The following CMPK1 variants were observed in gnomAD, a reference collection of about 807,000 sequenced individuals.
CMPK1 encodes UMP-CMP kinase.
In CMPK1, 10 loss-of-function variants were observed where a neutral mutation model predicts 25.7. The observed-to-expected ratio is 0.39, with a 90% confidence interval of 0.24 to 0.66. The LOEUF (loss-of-function observed/expected upper bound fraction) is 0.66. CMPK1 is among the 30% of genes least tolerant of loss of function. The pLI is 0.48. For missense variants in CMPK1, 199 were observed against 280.5 expected (o/e 0.71, Z 2.08); for synonymous variants, 106 against 101.5 (o/e 1.04, Z -0.27).
chr1:47,360,804 C>G (rs1044884188), intron 1 of CMPK1, among the ~76,000 whole-genome samples: 2 of 152,100 alleles, frequency 1.3e-5, no homozygotes, highest in Non-Finnish European at 2.9e-5. Context: ...ATATTGTCAT[C>G]CAAAAGACCA....
chr1:47,345,890 G>C (rs1417456371), intron 1 of CMPK1, among the ~76,000 whole-genome samples: 2 of 151,778 alleles, frequency 1.3e-5, no homozygotes. Flanking sequence ...TAAGCAGTTG[G>C]GATTACAGGC....
chr1:47,347,121 T>C lies in CMPK1; in HGVS notation c.171+13005T>C, dbSNP rs892916530. Among the ~76,000 whole-genome samples, 8 of 152,088 alleles carry C rather than the reference T, an allele frequency of 5.3e-5. No homozygotes were observed. The East Asian group carries it at 1.2e-3, about 22-fold the overall frequency. ...TATTTTCTTTCTTTCCCTTCCTCCT[T>C]CTGTTCCTCCTTTCTTCCCTCCTTC... is the stretch of plus-strand genomic sequence containing the variant. On this transcript the variant is annotated intron_variant, in intron 1 of 5. Coordinates refer to ENST00000371873, the MANE Select transcript of CMPK1 (RefSeq NM_016308.3).
At chr1:47,338,005 ATAAAC>A (rs1484283201) in intron 1 of CMPK1, among the ~76,000 whole-genome samples, 1 of 152,166 alleles carries the variant, frequency 6.6e-6, no homozygotes, top group Non-Finnish European at 1.5e-5. Flanking sequence ...ACAGGCAATT[ATAAAC>A]TAAATTCCAA....
At chr1:47,343,803 C>T (rs749024172) in intron 1 of CMPK1, among the ~76,000 whole-genome samples, 11 of 151,342 alleles carry the variant, frequency 7.3e-5, no homozygotes, top group Non-Finnish European at 1.6e-4. Context: ...AGGAGCATGG[C>T]GTGAACCCAG....
chr1:47,348,410 G>C (rs1444196151), intron 1 of CMPK1, among the ~76,000 whole-genome samples: 1 of 147,318 alleles, frequency 6.8e-6, no homozygotes, highest in Non-Finnish European at 1.5e-5. Flanking sequence ...GACTAAACAT[G>C]TGATAAGAGC....
At position 47,376,736 on chromosome 1, in the gene CMPK1, G is replaced by A. The variant is rs202217123; in HGVS notation, c.678G>A (p.Lys226=). 4 of 1,582,186 alleles carry A rather than the reference G, an allele frequency of 2.5e-6. No individual in the cohort carries two copies. The Admixed American group carries it at 5.1e-5, about 20-fold the overall frequency. ...ATGAAGTTGTGCAGATTTTTGACAA[G>A]GAAGGCTAATTCTAAACCTGAAGGC... ...VFDEVVQIFD[K]EG is the part of the protein sequence containing the mutation. The change falls in exon 6 of 6, where the codon AAG becomes AAA. Residue 226 remains lysine, a synonymous_variant. Transcript: ENST00000371873.
chr1:47,373,171 A>T, intron 3 of CMPK1, 64 bp downstream of exon 3: 1 of 1,448,324 alleles, frequency 6.9e-7, no homozygotes, highest in Non-Finnish European at 9.3e-7. Flanking sequence ...ATTAGAAAAA[A>T]CAAAGGATTT....
chr1:47,349,661 C>G (rs74077238), intron 1 of CMPK1, among the ~76,000 whole-genome samples: 12,195 of 152,170 alleles, frequency 0.08, 1,608 homozygotes, highest in African/African-American at 0.28. Flanking sequence ...AAAAGGAAAG[C>G]TTTTTGAAAT....
intron 1 of CMPK1, among the ~76,000 whole-genome samples, chr1:47,355,990 T>C (rs772422149): frequency 6.6e-6 from 1 of 152,220 alleles, no homozygotes; most frequent in Non-Finnish European, 1.5e-5. Context: ...TATTATCTGA[T>C]TATACTTATG....
At chr1:47,347,107 T>C (rs114165125) in intron 1 of CMPK1, among the ~76,000 whole-genome samples, 3,211 of 152,134 alleles carry the variant, frequency 0.021, 130 homozygotes, top group African/African-American at 0.074. Flanking sequence ...ATTTTCTTTC[T>C]TTCCCTTCCT....
intron 1 of CMPK1, chr1:47,358,826 T>C (rs1462472777): frequency 1.0e-6 from 1 of 984,214 alleles, no homozygotes; most frequent in Non-Finnish European, 1.2e-6. Context: ...TGTACATTTT[T>C]CTGGTGTTGA....
intron 1 of CMPK1, among the ~76,000 whole-genome samples, chr1:47,364,446 T>C (rs1041524552): frequency 3.3e-5 from 5 of 151,620 alleles, no homozygotes; most frequent in African/African-American, 1.2e-4. Flanking sequence ...GCCTCCCAAG[T>C]AGCAGGACTA....
chr1:47,339,047 CTT>C (rs397965092), intron 1 of CMPK1, among the ~76,000 whole-genome samples: 17 of 142,836 alleles, frequency 1.2e-4, no homozygotes, highest in Non-Finnish European at 7.6e-5. Context: ...ACCCAGAAAA[CTT>C]TTTTTTTTTT....
intron 1 of CMPK1, among the ~76,000 whole-genome samples, chr1:47,335,493 C>G (rs1311799213): frequency 1.3e-5 from 2 of 151,904 alleles, no homozygotes; most frequent in Non-Finnish European, 2.9e-5. Flanking sequence ...AAAAATTAGC[C>G]TGGCGTGGTG....
At chr1:47,357,247 G>A (rs149274841) in intron 1 of CMPK1, among the ~76,000 whole-genome samples, 3,677 of 152,028 alleles carry the variant, frequency 0.024, 147 homozygotes, top group East Asian at 0.2. Flanking sequence ...GATTACAGGC[G>A]TGAGCCACCG....
At chr1:47,344,271 T>C (rs1326558539) in intron 1 of CMPK1, among the ~76,000 whole-genome samples, 2 of 151,982 alleles carry the variant, frequency 1.3e-5, no homozygotes, top group Admixed American at 6.6e-5. Flanking sequence ...GAGGAGGTGA[T>C]GTGTATGAGC....
At chr1:47,357,260 C>T (rs1290437781) in intron 1 of CMPK1, among the ~76,000 whole-genome samples, 1 of 152,142 alleles carries the variant, frequency 6.6e-6, no homozygotes, top group African/African-American at 2.4e-5. Flanking sequence ...AGCCACCGCG[C>T]CCAGCCCTGC....
chr1:47,348,856 A>G (rs973121857), intron 1 of CMPK1, among the ~76,000 whole-genome samples: 1 of 152,138 alleles, frequency 6.6e-6, no homozygotes, highest in Admixed American at 6.6e-5. Context: ...AATAACATGA[A>G]TTTTCATTTT....
chr1:47,373,934 A>G (rs771999121), intron 3 of CMPK1, among the ~76,000 whole-genome samples: 1 of 152,272 alleles, frequency 6.6e-6, no homozygotes, highest in Non-Finnish European at 1.5e-5. Context: ...GAATAACTAA[A>G]TACATTTCTC....
Sources: gnomAD v4.1 joint callset for allele counts (sites outside exome capture counted in the v4.1 genomes callset) on GRCh38, gnomAD v4.1.1 for gene constraint, MANE v1.5 for transcripts, NCBI Gene and HGNC (gene_info 2026-07-23, HGNC 2026-07-21) for gene names.